The following SV2B variants were observed in gnomAD, a reference collection of about 807,000 sequenced individuals.
The protein encoded by SV2B is synaptic vesicle glycoprotein 2B.
SV2B carries 41 observed loss-of-function variants against 73.9 expected under a neutral mutation model. That is an observed-to-expected ratio of 0.56 (90% CI 0.43 to 0.72). The LOEUF (loss-of-function observed/expected upper bound fraction) is 0.72, where lower values mean the gene tolerates loss of function less well. SV2B is among the 30% of genes least tolerant of loss of function. The pLI is 0.00. For synonymous variants in SV2B, 314 were observed against 314.2 expected, an observed-to-expected ratio of 1.00 and a Z score of 0.01; for missense variants, 764 against 857.8, an observed-to-expected ratio of 0.89 and a Z score of 1.37.
intron 6 of SV2B, among the ~76,000 whole-genome samples, chr15:91,262,112 A>G (rs974635308): frequency 2.8e-4 from 43 of 152,198 alleles, no homozygotes; most frequent in African/African-American, 9.6e-4. Context: ...ACCTGCATCC[A>G]AAGTATCAAA....
intron 1 of SV2B, among the ~76,000 whole-genome samples, chr15:91,145,331 A>ATGGC (rs1270329035): frequency 6.6e-6 from 1 of 152,222 alleles, no homozygotes; most frequent in Non-Finnish European, 1.5e-5. Flanking sequence ...CATTCTTTTT[A>ATGGC]TGGCTGCATA....
At chr15:91,107,800 G>A (rs1226719245) in intron 1 of SV2B, among the ~76,000 whole-genome samples, 1 of 152,070 alleles carries the variant, frequency 6.6e-6, no homozygotes, top group Non-Finnish European at 1.5e-5. Context: ...TTGTAGAGGT[G>A]GGATCTTGCT....
In SV2B at chr15:91,252,431, G is replaced by A. The variant is rs779548438; in HGVS notation, c.695G>A (p.Arg232Gln). 6.8e-6 allele frequency: 11 copies of A among 1,613,416 alleles called. No homozygotes were observed. The highest frequency in any genetic ancestry group is 1.6e-4 in the Middle Eastern group (1 of 6,078). Residue 232 changes from arginine to glutamine, a missense_variant, in exon 4 of 13, where the codon CGA becomes CAA. By Grantham distance (43) the Arg-to-Gln change is conservative. Coordinates refer to ENST00000394232, the MANE Select transcript of SV2B (RefSeq NM_001323032.3). This position sits in a 1 kb window ranked among gnomAD's most constrained non-coding sequence, Gnocchi z 4.6. ...TCTGAATTCTTGTCTCGGGAGAAGC[G>A]AGGAGAACACCTCAGTTGGCTGGGC... ...YFSEFLSREK[R>Q]GEHLSWLGIF... is the part of the protein sequence containing the mutation.
chr15:91,139,347 T>TAAAAAA lies in SV2B; in HGVS notation c.-392+38988_-392+38993dup, dbSNP rs34370427. ...CTTGCAAATTTCCACAATAAAATGTTAAAAAAAAAGAAGTAAGGGAAACTT... is the reference window on the plus strand; with the variant it reads ...CTTGCAAATTTCCACAATAAAATGTTAAAAAAAAAAAAAAAGAAGTAAGGGAAACTT... On this transcript the variant is annotated intron_variant, in intron 1 of 12. Coordinates refer to ENST00000394232, the MANE Select transcript of SV2B (RefSeq NM_001323032.3). This position sits in a 1 kb window ranked among gnomAD's most constrained non-coding sequence, Gnocchi z 5.2. Among the ~76,000 whole-genome samples the TAAAAAA allele has an allele frequency of 6.6e-6, 1 of 150,726 alleles. No individual in the cohort carries two copies. Among genetic ancestry groups the TAAAAAA allele is most frequent in the African/African-American group, 2.4e-5 (1 of 40,966 alleles).
chr15:91,204,760 G>A (rs996932387), intron 1 of SV2B, among the ~76,000 whole-genome samples: 45 of 151,946 alleles, frequency 3.0e-4, no homozygotes, highest in African/African-American at 9.7e-4. Flanking sequence ...GTCTTGCTAT[G>A]TTGTCCAGAC....
chr15:91,301,070 C>A lies in SV2B; in HGVS notation c.*8518C>A, dbSNP rs796544445. 1 of 152,134 alleles carries A rather than the reference C, an allele frequency of 6.6e-6. No homozygotes were observed. The highest frequency in any genetic ancestry group is 1.5e-5 in the Non-Finnish European group (1 of 68,040). 9.4% of individuals were successfully genotyped at this position (152,134 alleles called of 1,614,324 possible). ...CCAGTCCCATGTCACATTGACCAGT[C>A]CTGTGGTCCTATGGCTAAGCGGAGG... On this transcript the variant is annotated 3_prime_UTR_variant, in exon 13 of 13. Coordinates refer to ENST00000394232, the MANE Select transcript of SV2B (RefSeq NM_001323032.3). This position sits in a 1 kb window ranked among gnomAD's most constrained non-coding sequence, Gnocchi z 4.3.
chr15:91,220,751 G>A lies in SV2B; in HGVS notation c.-391-5122G>A, dbSNP rs761489901. On this transcript the variant is annotated intron_variant, in intron 1 of 12. Transcript: ENST00000394232. This position sits in a 1 kb window ranked among gnomAD's most constrained non-coding sequence, Gnocchi z 4.1. ...TGGTTTCCTAGCCCAGCCCTGATGG[G>A]CCCCAAATCTCATGGGGCATGAGGC... Among the ~76,000 whole-genome samples the A allele has an allele frequency of 1.3e-5, 2 of 152,192 alleles. No homozygotes were observed. The highest frequency in any genetic ancestry group is 2.1e-4 in the South Asian group (1 of 4,834).
chr15:91,138,443 G>A (rs2042906576), intron 1 of SV2B, among the ~76,000 whole-genome samples: 1 of 152,124 alleles, frequency 6.6e-6, no homozygotes, highest in Admixed American at 6.5e-5. Context: ...GGAGACACAG[G>A]GGACAGAATA....
rs980521317 is a variant in SV2B at position 91,298,390 on chromosome 15, T to G, written c.*5838T>G. 3 of 152,240 alleles carry G rather than the reference T, an allele frequency of 2.0e-5. No individual in the cohort carries two copies. Among genetic ancestry groups the G allele is most frequent in the Non-Finnish European group, 4.4e-5 (3 of 68,046 alleles). The allele number at this position is 152,240 out of a possible 1,614,324, so 9.4% of individuals were successfully genotyped here. The stretch of plus-strand genomic sequence containing the variant: ...TAGAGCCTTTGATTGTGAGGCAGGC[T>G]TAAAGTACATTTTGTTTGATTTGCA... On this transcript the variant is annotated 3_prime_UTR_variant, in exon 13 of 13. Transcript: ENST00000394232. The surrounding 1 kb of genome is among the most constrained non-coding windows in gnomAD (Gnocchi z 5.4).
At chr15:91,164,344 A>G (rs755123904) in intron 1 of SV2B, among the ~76,000 whole-genome samples, 1 of 152,220 alleles carries the variant, frequency 6.6e-6, no homozygotes, top group Non-Finnish European at 1.5e-5. Flanking sequence ...ACCTGACTTC[A>G]AACTATACTA....
In SV2B at chr15:91,223,035, A is replaced by G. The variant is rs1249196426; in HGVS notation, c.-391-2838A>G. Among the ~76,000 whole-genome samples, 2 of 152,178 alleles carry G rather than the reference A, an allele frequency of 1.3e-5. No individual in the cohort carries two copies. Among genetic ancestry groups the G allele is most frequent in the Non-Finnish European group, 2.9e-5 (2 of 68,030 alleles). On this transcript the variant is annotated intron_variant, in intron 1 of 12. Transcript: ENST00000394232. The surrounding 1 kb of genome is among the most constrained non-coding windows in gnomAD (Gnocchi z 4.6). ...GTGTCAACACAGTTGATTCCTTCTG[A>G]GAGCTGTGAGAGAGAATCTGTTGCA...
At chr15:91,247,034 A>G (rs1482836533) in intron 2 of SV2B, among the ~76,000 whole-genome samples, 1 of 152,152 alleles carries the variant, frequency 6.6e-6, no homozygotes, top group African/African-American at 2.4e-5. Flanking sequence ...TTCCAGAGAC[A>G]TTGTTAATTT....
At chr15:91,166,366 A>AT (rs1327512337) in intron 1 of SV2B, among the ~76,000 whole-genome samples, 1 of 151,998 alleles carries the variant, frequency 6.6e-6, no homozygotes, top group African/African-American at 2.4e-5. Context: ...AATATTTTAA[A>AT]TATAATTATA....
In SV2B at chr15:91,293,826, G is replaced by A. The variant is rs190113688; in HGVS notation, c.*1274G>A. Reference sequence around the variant, plus strand: ...TCCATTGGAGTGGGAGTTAGGGAGTGTAGTGGATGCCAAATATGTTTTTCT... The same window carrying A: ...TCCATTGGAGTGGGAGTTAGGGAGTATAGTGGATGCCAAATATGTTTTTCT... On this transcript the variant is annotated 3_prime_UTR_variant, in exon 13 of 13. Coordinates refer to ENST00000394232, the MANE Select transcript of SV2B (RefSeq NM_001323032.3). 14 of 152,376 alleles carry A rather than the reference G, an allele frequency of 9.2e-5. No homozygotes were observed. Among genetic ancestry groups the A allele is most frequent in the African/African-American group, 3.4e-4 (14 of 41,586 alleles). The allele number at this position is 152,376 out of a possible 1,614,324, so 9.4% of individuals were successfully genotyped here. A position where few individuals can be genotyped will look rare whatever the true frequency, so the allele number is the denominator to read the frequency against.
At chr15:91,131,499 T>G (rs1366153108) in intron 1 of SV2B, among the ~76,000 whole-genome samples, 1 of 151,996 alleles carries the variant, frequency 6.6e-6, no homozygotes, top group Non-Finnish European at 1.5e-5. Flanking sequence ...GCCTAAGTAA[T>G]GGGCAAAAGA....
intron 1 of SV2B, among the ~76,000 whole-genome samples, chr15:91,111,655 A>G (rs2151728873): frequency 6.6e-6 from 1 of 152,308 alleles, no homozygotes; most frequent in Admixed American, 6.5e-5. Context: ...TTTTGGAACA[A>G]TAGGGGGTTT....
chr15:91,131,535 T>C (rs1187054682), intron 1 of SV2B, among the ~76,000 whole-genome samples: 2 of 152,034 alleles, frequency 1.3e-5, no homozygotes, highest in Non-Finnish European at 2.9e-5. Flanking sequence ...TTGGGTGCAG[T>C]GGCTCATGCC....
At chr15:91,166,774 G>A (rs960815771) in intron 1 of SV2B, among the ~76,000 whole-genome samples, 2 of 150,386 alleles carry the variant, frequency 1.3e-5, no homozygotes, top group Admixed American at 1.3e-4. Context: ...TTCAGTTATT[G>A]TAATTTTTAG....
At chr15:91,166,385 A>T (rs187452946) in intron 1 of SV2B, among the ~76,000 whole-genome samples, 74 of 152,038 alleles carry the variant, frequency 4.9e-4, no homozygotes, top group African/African-American at 1.6e-3. Flanking sequence ...TATATATCTT[A>T]GTTTTTCCAC....
Sources: allele counts gnomAD v4.1 joint callset (sites outside exome capture counted in the v4.1 genomes callset), GRCh38; gene constraint gnomAD v4.1.1; non-coding constraint Gnocchi (gnomAD v3.1); transcripts MANE v1.5; gene names NCBI Gene and HGNC (gene_info 2026-07-23, HGNC 2026-07-21).